The following LRRC1 variants were observed in gnomAD, a reference collection of about 807,000 sequenced individuals.
LRRC1 encodes leucine-rich repeat-containing protein 1.
In LRRC1, 28 loss-of-function variants were observed where a neutral mutation model predicts 69.9. The ratio of observed to expected loss-of-function variants is 0.40; its 90% CI spans 0.30 to 0.55. The LOEUF (loss-of-function observed/expected upper bound fraction) is 0.55, where lower values mean the gene tolerates loss of function less well. LRRC1 is among the 20% of genes least tolerant of loss of function. The pLI is 0.47. For synonymous variants in LRRC1, 236 were observed against 240.2 expected, an observed-to-expected ratio of 0.98 and a Z score of 0.16; for missense variants, 498 against 609.0, an observed-to-expected ratio of 0.82 and a Z score of 1.92.
intron 10 of LRRC1, among the ~76,000 whole-genome samples, chr6:53,911,150 C>T (rs2820215): frequency 0.17 from 25,329 of 152,092 alleles, 2,255 homozygotes; most frequent in African/African-American, 0.21. Flanking sequence ...CACCCCTTGA[C>T]GTCTCAAATG....
rs541062058 is a variant in LRRC1, at chr6:53,826,707, C to T, written c.160-15403C>T. ...TTTCATTAGGTCCCCCTCCATGCCT[C>T]TTTAGACATACATTTTGTAATCTCC... is the stretch of plus-strand genomic sequence containing the variant. On this transcript the variant is annotated intron_variant, in intron 1 of 13. Coordinates refer to ENST00000370888, the MANE Select transcript of LRRC1 (RefSeq NM_018214.5). Among the ~76,000 whole-genome samples, 13 of 152,256 alleles carry T rather than the reference C, an allele frequency of 8.5e-5. No homozygotes were observed. The East Asian group carries it at 1.5e-3, about 18-fold the overall frequency.
intron 10 of LRRC1, among the ~76,000 whole-genome samples, chr6:53,912,208 G>A (rs1180026355): frequency 6.6e-6 from 1 of 152,116 alleles, no homozygotes; most frequent in Non-Finnish European, 1.5e-5. Flanking sequence ...CTGTAACTCA[G>A]GTAAATGATC....
chr6:53,881,278 T>A (rs189228469), intron 3 of LRRC1, among the ~76,000 whole-genome samples: 170 of 152,358 alleles, frequency 1.1e-3, no homozygotes, highest in African/African-American at 3.8e-3. Flanking sequence ...ATCATACAGC[T>A]AATGAGTGGG....
chr6:53,830,751 A>G (rs1344873063), intron 1 of LRRC1, among the ~76,000 whole-genome samples: 1 of 151,882 alleles, frequency 6.6e-6, no homozygotes, highest in Admixed American at 6.6e-5. Context: ...CTGGTTGGAG[A>G]GGAACCCTTA....
intron 1 of LRRC1, among the ~76,000 whole-genome samples, chr6:53,815,166 TG>T (rs1764915439): frequency 6.6e-6 from 1 of 152,166 alleles, no homozygotes; most frequent in Non-Finnish European, 1.5e-5. Flanking sequence ...ACCAGGAATC[TG>T]TAGTTTTAGC....
chr6:53,881,166 T>C (rs1012671538), intron 3 of LRRC1, among the ~76,000 whole-genome samples: 6 of 152,228 alleles, frequency 3.9e-5, no homozygotes, highest in African/African-American at 1.4e-4. Context: ...AGAATTAAGA[T>C]GACATCTGTG....
intron 4 of LRRC1, among the ~76,000 whole-genome samples, chr6:53,887,927 T>TA (rs1451302490): frequency 3.3e-5 from 5 of 152,136 alleles, no homozygotes; most frequent in Admixed American, 3.3e-4. Context: ...CTATCTGAAT[T>TA]AAAAAAATTG....
At chr6:53,883,946 T>A in intron 4 of LRRC1, 1 of 718,054 alleles carries the variant, frequency 1.4e-6, no homozygotes, top group South Asian at 1.5e-5. Context: ...TTCTATCCTC[T>A]TCAGGCAGAA....
intron 1 of LRRC1, among the ~76,000 whole-genome samples, chr6:53,828,410 G>A (rs1396735367): frequency 6.6e-6 from 1 of 152,198 alleles, no homozygotes; most frequent in Admixed American, 6.5e-5. Flanking sequence ...GGAGGGGCTG[G>A]CCTAGCCAGG....
intron 1 of LRRC1, among the ~76,000 whole-genome samples, chr6:53,797,878 C>T (rs1231196362): frequency 6.6e-6 from 1 of 152,208 alleles, no homozygotes; most frequent in Non-Finnish European, 1.5e-5. Context: ...CTTGTTCATT[C>T]AGATGTCAGC....
At chr6:53,851,488 C>T (rs1218175738) in intron 2 of LRRC1, among the ~76,000 whole-genome samples, 1 of 152,088 alleles carries the variant, frequency 6.6e-6, no homozygotes, top group African/African-American at 2.4e-5. Context: ...CTCCTTCCAT[C>T]GTCTGTTCCA....
intron 2 of LRRC1, among the ~76,000 whole-genome samples, chr6:53,871,194 A>AT (rs1766872178): frequency 1.3e-5 from 2 of 152,014 alleles, no homozygotes; most frequent in East Asian, 1.9e-4. Context: ...TCCATTTTGA[A>AT]TTTTTTGAGG....
At chr6:53,843,668 G>A (rs1016809522) in intron 2 of LRRC1, among the ~76,000 whole-genome samples, 1 of 152,080 alleles carries the variant, frequency 6.6e-6, no homozygotes, top group Non-Finnish European at 1.5e-5. Context: ...TGTAAGGAAG[G>A]CGGGGTGGAA....
At chr6:53,869,167 A>G (rs146178255) in intron 2 of LRRC1, among the ~76,000 whole-genome samples, 67 of 152,152 alleles carry the variant, frequency 4.4e-4, no homozygotes, top group Non-Finnish European at 7.8e-4. Flanking sequence ...TTAAGAGGCT[A>G]TTGTCATCAT....
At chr6:53,906,951 C>G (rs975306826) in intron 10 of LRRC1, among the ~76,000 whole-genome samples, 2 of 152,214 alleles carry the variant, frequency 1.3e-5, no homozygotes, top group African/African-American at 4.8e-5. Context: ...TCCAATTCTC[C>G]CTCGGATCAC....
chr6:53,893,698 G>A (rs964181165), intron 4 of LRRC1, among the ~76,000 whole-genome samples: 1 of 152,060 alleles, frequency 6.6e-6, no homozygotes, highest in Admixed American at 6.6e-5. Flanking sequence ...CCTGTACTTT[G>A]TTAATTTTTA....
intron 10 of LRRC1, among the ~76,000 whole-genome samples, chr6:53,908,460 A>G (rs1464152019): frequency 1.3e-5 from 2 of 152,160 alleles, no homozygotes; most frequent in Admixed American, 1.3e-4. Flanking sequence ...CTGCCTTCTT[A>G]TTATTGCAAT....
chr6:53,840,101 G>A (rs762507049), intron 1 of LRRC1, among the ~76,000 whole-genome samples: 6 of 152,008 alleles, frequency 3.9e-5, no homozygotes, highest in Non-Finnish European at 5.9e-5. Flanking sequence ...TTGATTCTCT[G>A]TTTCCTGGAT....
chr6:53,861,967 A>G (rs959214894), intron 2 of LRRC1, among the ~76,000 whole-genome samples: 1 of 152,198 alleles, frequency 6.6e-6, no homozygotes, highest in African/African-American at 2.4e-5. Flanking sequence ...TCATGCCGAA[A>G]GAGTGAGCCT....
Sources: gnomAD v4.1 joint callset for allele counts (sites outside exome capture counted in the v4.1 genomes callset) on GRCh38, gnomAD v4.1.1 for gene constraint, MANE v1.5 for transcripts, NCBI Gene and HGNC (gene_info 2026-07-23, HGNC 2026-07-21) for gene names.